UBE2D3: variants seen among roughly 807,000 people sequenced by gnomAD.
UBE2D3 encodes ubiquitin conjugating enzyme E2 D3.
In UBE2D3, 2 loss-of-function variants were observed where a neutral mutation model predicts 22.8. That is an observed-to-expected ratio of 0.09 (90% CI 0.04 to 0.28). UBE2D3 has a LOEUF of 0.28. Among genes scored for constraint, UBE2D3 ranks in the 10% least tolerant of loss-of-function variants. The pLI is 1.00. For missense variants in UBE2D3, 27 were observed against 182.5 expected, an observed-to-expected ratio of 0.15 and a Z score of 4.91; for synonymous variants, 56 against 60.4, an observed-to-expected ratio of 0.93 and a Z score of 0.34.
At chr4:102,856,324 G>A (rs1036120239) in intron 1 of UBE2D3, among the ~76,000 whole-genome samples, 27 of 152,222 alleles carry the variant, frequency 1.8e-4, no homozygotes, top group Admixed American at 9.8e-4. Flanking sequence ...CTGAGATTGC[G>A]CCACTGCACT....
intron 7 of UBE2D3, chr4:102,799,105 G>T: frequency 9.7e-7 from 1 of 1,033,310 alleles, no homozygotes; most frequent in Non-Finnish European, 1.4e-6. Context: ...TAACATTTTT[G>T]GAAAAACATG....
chr4:102,813,025 A>G (rs1396646403), intron 2 of UBE2D3: 1 of 152,228 alleles, frequency 6.6e-6, no homozygotes, highest in Admixed American at 6.5e-5. Flanking sequence ...CTAGGAAACT[A>G]GAGTACACAA....
chr4:102,831,996 T>C (rs76179611), upstream of UBE2D3, among the ~76,000 whole-genome samples: 420 of 152,272 alleles, frequency 2.8e-3, 3 homozygotes, highest in African/African-American at 9.8e-3. Context: ...GACACAGATG[T>C]CATCTATAAG....
At chr4:102,836,102 T>A (rs2110350103) in intron 1 of UBE2D3, among the ~76,000 whole-genome samples, 1 of 152,180 alleles carries the variant, frequency 6.6e-6, no homozygotes, top group South Asian at 2.1e-4. Context: ...TTGCCACAAT[T>A]TATCCATTCA....
intron 2 of UBE2D3, among the ~76,000 whole-genome samples, chr4:102,821,556 T>C (rs1729619733): frequency 6.6e-6 from 1 of 152,114 alleles, no homozygotes; most frequent in South Asian, 2.1e-4. Flanking sequence ...TTCAAAATTA[T>C]GTGTTTCCAG....
intron 1 of UBE2D3, among the ~76,000 whole-genome samples, chr4:102,854,232 TG>T: frequency 6.6e-6 from 1 of 152,186 alleles, no homozygotes; most frequent in South Asian, 2.1e-4. Context: ...AGATTTTTTT[TG>T]CAAACAAATG....
At chr4:102,801,327 A>T in intron 6 of UBE2D3, 127 bp downstream of exon 6, 1 of 762,326 alleles carries the variant, frequency 1.3e-6, no homozygotes, top group South Asian at 2.1e-5. Flanking sequence ...AAAAATTATA[A>T]AAGTAACTTT....
At chr4:102,827,187 C>G in intron 1 of UBE2D3, 1 of 986,916 alleles carries the variant, frequency 1.0e-6, no homozygotes, top group Non-Finnish European at 1.2e-6. Flanking sequence ...CGCGCCCGCC[C>G]AGCCACCTCC....
intron 2 of UBE2D3, among the ~76,000 whole-genome samples, chr4:102,823,580 T>C (rs899888955): frequency 2.6e-5 from 4 of 152,200 alleles, no homozygotes; most frequent in Non-Finnish European, 4.4e-5. Context: ...TCTTCAAACG[T>C]CCCTAAAACA....
chr4:102,807,739 T>TA (rs1195132052), intron 4 of UBE2D3, among the ~76,000 whole-genome samples: 11 of 152,328 alleles, frequency 7.2e-5, no homozygotes, highest in South Asian at 2.1e-4. Context: ...AGTAAACTGC[T>TA]AAAAAATCTG....
intron 2 of UBE2D3, chr4:102,825,592 G>A: frequency 2.5e-6 from 3 of 1,218,852 alleles, no homozygotes; most frequent in Non-Finnish European, 3.2e-6. Flanking sequence ...GGAGGTGGAG[G>A]TTCCGCTCAC....
intron 2 of UBE2D3, among the ~76,000 whole-genome samples, chr4:102,817,808 G>A (rs1425501656): frequency 6.6e-6 from 1 of 152,102 alleles, no homozygotes; most frequent in Non-Finnish European, 1.5e-5. Flanking sequence ...CTATCCCACA[G>A]CAAGACTATT....
Position 102,799,079 on chromosome 4 carries a change from A to T in UBE2D3, c.398+328T>A, listed in dbSNP as rs1360814055. The stretch of plus-strand genomic sequence containing the variant: ...CAAATATTTGAGAAATTTAGACCAA[A>T]TTTTTACAATAGTACTAACATTTTT... On this transcript the variant is annotated intron_variant, in intron 7 of 7. Coordinates refer to ENST00000453744, the MANE Select transcript of UBE2D3 (RefSeq NM_181891.3). 2.3e-6 allele frequency: 3 copies of T among 1,299,822 alleles called. No individual in the cohort carries two copies. The African/African-American group carries it at 4.4e-5, about 19-fold the overall frequency. 80.5% of individuals were successfully genotyped at this position (1,299,822 alleles called of 1,614,324 possible).
At chr4:102,833,782 T>C (rs1298073346) in intron 1 of UBE2D3, among the ~76,000 whole-genome samples, 1 of 152,182 alleles carries the variant, frequency 6.6e-6, no homozygotes, top group Non-Finnish European at 1.5e-5. Flanking sequence ...TAATTTCTTA[T>C]AGAAAAGTAG....
intron 2 of UBE2D3, chr4:102,825,396 T>C (rs574527199): frequency 1.9e-6 from 2 of 1,027,752 alleles, no homozygotes; most frequent in South Asian, 3.2e-5. Flanking sequence ...AGTTTGAATT[T>C]AGGTAAGTTT....
At chr4:102,827,367 CCCGG>C in intron 1 of UBE2D3, 56 bp downstream of exon 1, 2 of 985,616 alleles carry the variant, frequency 2.0e-6, no homozygotes, top group Non-Finnish European at 2.4e-6. Context: ...GCCCCTCTTA[CCCGG>C]CCGGCCACTG....
intron 1 of UBE2D3, among the ~76,000 whole-genome samples, chr4:102,850,948 G>T (rs897183717): frequency 6.6e-6 from 1 of 150,710 alleles, no homozygotes; most frequent in Admixed American, 6.7e-5. Flanking sequence ...GGTGAGAGGG[G>T]GGTGAGGGAT....
chr4:102,807,120 T>C (rs1727185670), intron 4 of UBE2D3, among the ~76,000 whole-genome samples: 1 of 152,204 alleles, frequency 6.6e-6, no homozygotes, highest in Non-Finnish European at 1.5e-5. Flanking sequence ...GGCACCACTT[T>C]AAGGGACCTA....
At chr4:102,867,045 C>T (rs113618270) in intron 1 of UBE2D3, among the ~76,000 whole-genome samples, 1 of 152,172 alleles carries the variant, frequency 6.6e-6, no homozygotes, top group Non-Finnish European at 1.5e-5. Context: ...TTTGTATACA[C>T]CATCTTCTAT....
Sources: allele counts gnomAD v4.1 joint callset (sites outside exome capture counted in the v4.1 genomes callset), GRCh38; gene constraint gnomAD v4.1.1; transcripts MANE v1.5; gene names NCBI Gene and HGNC (gene_info 2026-07-23, HGNC 2026-07-21).